The following ZFYVE9 variants were observed in gnomAD, a reference collection of about 807,000 sequenced individuals.
ZFYVE9 encodes the protein zinc finger FYVE domain-containing protein 9.
ZFYVE9 carries 43 observed loss-of-function variants against 126.7 expected under a neutral mutation model. The observed-to-expected ratio is 0.34, with a 90% CI of 0.27 to 0.44. The LOEUF (loss-of-function observed/expected upper bound fraction) is 0.44, where lower values mean the gene tolerates loss of function less well. Ranked by LOEUF, ZFYVE9 falls within the 20% of genes least tolerant of loss-of-function variation. The probability of loss-of-function intolerance (pLI) is 1.00; values close to 1 mark genes in which losing one functional copy is unlikely to be tolerated. For missense variants in ZFYVE9, 1,476 were observed against 1,697.0 expected, an observed-to-expected ratio of 0.87 and a Z score of 2.29; for synonymous variants, 521 against 597.4, an observed-to-expected ratio of 0.87 and a Z score of 1.87.
chr1:52,171,208 G>A (rs558850090), intron 1 of ZFYVE9, among the ~76,000 whole-genome samples: 1 of 151,002 alleles, frequency 6.6e-6, no homozygotes, highest in African/African-American at 2.4e-5. Flanking sequence ...GTGTCCATGT[G>A]TTCTCATTGT....
At chr1:52,210,958 TATTTCTCTCTTAGGGTTTTC>T (rs1272770918) in intron 1 of ZFYVE9, among the ~76,000 whole-genome samples, 1 of 152,052 alleles carries the variant, frequency 6.6e-6, no homozygotes, top group East Asian at 1.9e-4. Context: ...CCTGGCCAGG[TATTTCTCTCTTAGGGTTTTC>T]ATGCAGTTGT....
chr1:52,227,219 A>C (rs750733708), intron 2 of ZFYVE9, among the ~76,000 whole-genome samples: 18 of 152,260 alleles, frequency 1.2e-4, no homozygotes, highest in Non-Finnish European at 1.9e-4. Flanking sequence ...GAGCAGAGGT[A>C]CTTGGCAGCA....
At chr1:52,298,390 A>G (rs898237030) in intron 12 of ZFYVE9, among the ~76,000 whole-genome samples, 1 of 152,060 alleles carries the variant, frequency 6.6e-6, no homozygotes, top group Admixed American at 6.6e-5. Context: ...TCCAAGTACT[A>G]TTTATTGAAG....
At chr1:52,285,758 C>T (rs1645852340) in intron 10 of ZFYVE9, among the ~76,000 whole-genome samples, 1 of 152,130 alleles carries the variant, frequency 6.6e-6, no homozygotes, top group Non-Finnish European at 1.5e-5. Context: ...ATTTAATGCG[C>T]TTGAATCATC....
At chr1:52,329,756 T>C (rs904483957) in intron 13 of ZFYVE9, among the ~76,000 whole-genome samples, 2 of 151,870 alleles carry the variant, frequency 1.3e-5, no homozygotes, top group Admixed American at 1.3e-4. Flanking sequence ...ATACAAAAAA[T>C]TAGCCGGGCA....
At chr1:52,190,569 A>T (rs1277676868) in intron 1 of ZFYVE9, among the ~76,000 whole-genome samples, 1 of 152,196 alleles carries the variant, frequency 6.6e-6, no homozygotes, top group Non-Finnish European at 1.5e-5. Context: ...TTAGATGCTT[A>T]AAAGATTTTC....
In ZFYVE9 at chr1:52,243,296, C is replaced by T. The variant is rs567377322; in HGVS notation, c.2178+3701C>T. 3.3e-5 allele frequency among the ~76,000 whole-genome samples: 5 copies of T among 151,540 alleles called. No homozygotes were observed. In the South Asian group the frequency reaches 6.2e-4, roughly 19 times the overall value. ...AAAAAAACATGATTTGTGGCAAGGGCGATGAAGGAGATAAGGAGGGATAAT... is the reference window on the plus strand; with the variant it reads ...AAAAAAACATGATTTGTGGCAAGGGTGATGAAGGAGATAAGGAGGGATAAT... On this transcript the variant is annotated intron_variant, in intron 4 of 18. Coordinates refer to ENST00000287727, the MANE Select transcript of ZFYVE9 (RefSeq NM_004799.4).
rs745512473 is a variant in ZFYVE9, at chr1:52,303,805, A to G, written c.3334-16A>G. 3 of 1,509,986 alleles carry G rather than the reference A, an allele frequency of 2.0e-6. No homozygotes were observed. In the Admixed American group the frequency reaches 6.3e-5, roughly 32 times the overall value. The allele number at this position is 1,509,986 out of a possible 1,614,324, so 93.5% of individuals were successfully genotyped here. On this transcript the variant is annotated splice_polypyrimidine_tract_variant and intron_variant, in intron 12 of 18. Coordinates refer to ENST00000287727, the MANE Select transcript of ZFYVE9 (RefSeq NM_004799.4). ...TGATGAATTAATTTATTCTGCTTCA[A>G]TCTGCTTTGGCCCAGGACTTCAGAA... is the stretch of plus-strand genomic sequence containing the variant.
At chr1:52,287,881 A>T (rs1645878254) in intron 10 of ZFYVE9, among the ~76,000 whole-genome samples, 1 of 151,898 alleles carries the variant, frequency 6.6e-6, no homozygotes, top group Non-Finnish European at 1.5e-5. Context: ...AATAATAATA[A>T]TATGTCATGG....
intron 4 of ZFYVE9, among the ~76,000 whole-genome samples, chr1:52,255,077 C>T (rs1261192754): frequency 1.4e-5 from 2 of 142,234 alleles, no homozygotes; most frequent in South Asian, 2.2e-4. Flanking sequence ...GGGTGATAAA[C>T]GAGACCATGT....
intron 4 of ZFYVE9, among the ~76,000 whole-genome samples, chr1:52,253,421 T>A (rs989801412): frequency 6.6e-6 from 1 of 152,218 alleles, no homozygotes; most frequent in African/African-American, 2.4e-5. Context: ...TTTAAAATTT[T>A]ATGCCTATAT....
chr1:52,239,033 G>T lies in ZFYVE9; in HGVS notation c.1616G>T (p.Gly539Val), dbSNP rs368139663. The T allele has an allele frequency of 6.2e-7, 1 of 1,614,118 alleles. No individual in the cohort carries two copies. Among genetic ancestry groups the T allele is most frequent in the Non-Finnish European group, 8.5e-7 (1 of 1,180,002 alleles). Residue 539 changes from glycine (G) to valine (V), a missense_variant, in exon 4 of 19, where the codon GGT (glycine) becomes GTT (valine). Gly to Val is a moderately radical substitution (Grantham distance 109). This residue lies in a region of ZFYVE9 where 807 missense variants were observed against 794.6 expected (regional missense o/e 1.02). Coordinates refer to ENST00000287727, the MANE Select transcript of ZFYVE9 (RefSeq NM_004799.4). ...EGSGLLLNST[G>V]DLMKKNYLHN... ...AGTGGACTACTTTTAAACAGCACTGGTGACCTAATGAAGAAAAATTATTTA... is the reference window on the plus strand; with the variant it reads ...AGTGGACTACTTTTAAACAGCACTGTTGACCTAATGAAGAAAAATTATTTA...
At chr1:52,339,280 T>C (rs1360908648) in intron 16 of ZFYVE9, among the ~76,000 whole-genome samples, 1 of 152,002 alleles carries the variant, frequency 6.6e-6, no homozygotes, top group African/African-American at 2.4e-5. Context: ...AGCAACTTGG[T>C]CAAATAATTC....
chr1:52,329,603 T>G (rs1646321331), intron 13 of ZFYVE9, among the ~76,000 whole-genome samples: 1 of 151,878 alleles, frequency 6.6e-6, no homozygotes. Context: ...CTCATAAGGG[T>G]CTTAAGAATT....
intron 1 of ZFYVE9, among the ~76,000 whole-genome samples, chr1:52,179,361 G>A (rs367964876): frequency 9.9e-5 from 15 of 152,220 alleles, no homozygotes; most frequent in South Asian, 2.1e-4. Flanking sequence ...AAGGCCGGGC[G>A]TGGTGGCTCA....
At chr1:52,328,510 T>C (rs961595170) in intron 13 of ZFYVE9, among the ~76,000 whole-genome samples, 9 of 152,244 alleles carry the variant, frequency 5.9e-5, no homozygotes, top group African/African-American at 1.9e-4. Flanking sequence ...TAAAGAAATA[T>C]GAAGTTTCTT....
rs1158427162 is a variant in ZFYVE9, at chr1:52,237,655, C to T, written c.238C>T (p.Leu80=). 1 of 1,614,110 alleles carries T rather than the reference C, an allele frequency of 6.2e-7. No homozygotes were observed. Residue 80 remains leucine, a synonymous_variant, in exon 4 of 19, where the codon CTG becomes TTG. Coordinates refer to ENST00000287727, the MANE Select transcript of ZFYVE9 (RefSeq NM_004799.4). ...CTTCTCCCTGGCTCATTCAGCTCCC[C>T]TGACCACAGAGGAAGAGGATCACTG... is the stretch of plus-strand genomic sequence containing the variant. ...KVFSLAHSAP[L]TTEEEDHCAN...
At chr1:52,226,769 A>G (rs1342484361) in intron 2 of ZFYVE9, among the ~76,000 whole-genome samples, 1 of 152,230 alleles carries the variant, frequency 6.6e-6, no homozygotes, top group Non-Finnish European at 1.5e-5. Flanking sequence ...AGGCGGGACA[A>G]TTCAAAGCAA....
intron 7 of ZFYVE9, among the ~76,000 whole-genome samples, chr1:52,273,859 A>G (rs1044312499): frequency 6.7e-5 from 10 of 149,702 alleles, no homozygotes; most frequent in African/African-American, 2.5e-4. Flanking sequence ...GATTTATTTT[A>G]TTACATAGTA....
Sources: allele counts gnomAD v4.1 joint callset (sites outside exome capture counted in the v4.1 genomes callset), GRCh38; gene constraint gnomAD v4.1.1; regional missense constraint gnomAD v4.1.1; transcripts MANE v1.5; gene names NCBI Gene and HGNC (gene_info 2026-07-23, HGNC 2026-07-21).